The following RORA variants were observed in gnomAD, a reference collection of about 807,000 sequenced individuals.
The protein encoded by RORA is nuclear receptor ROR-alpha.
RORA carries 7 observed loss-of-function variants against 69.5 expected under a neutral mutation model. The observed-to-expected ratio is 0.10, with a 90% CI of 0.06 to 0.19. The LOEUF is 0.19. Among genes scored for constraint, RORA ranks in the 10% least tolerant of loss-of-function variants. RORA has a pLI of 1.00. For missense variants in RORA, 457 were observed against 663.0 expected, an observed-to-expected ratio of 0.69 and a Z score of 3.41; for synonymous variants, 261 against 240.8, an observed-to-expected ratio of 1.08 and a Z score of -0.78.
intron 1 of RORA, among the ~76,000 whole-genome samples, chr15:61,066,263 T>C (rs528481336): frequency 2.0e-5 from 3 of 152,106 alleles, no homozygotes; most frequent in Non-Finnish European, 4.4e-5. Flanking sequence ...CTGCTATGTG[T>C]TCATTAGCCG....
intron 2 of RORA, among the ~76,000 whole-genome samples, chr15:60,565,174 T>C (rs370165659): frequency 3.9e-5 from 6 of 152,218 alleles, no homozygotes; most frequent in African/African-American, 1.4e-4. Context: ...ATAAAACTGC[T>C]ATATTCCCAA....
At chr15:61,227,583 G>A (rs1258561673) in intron 1 of RORA, among the ~76,000 whole-genome samples, 3 of 152,058 alleles carry the variant, frequency 2.0e-5, no homozygotes, top group African/African-American at 7.3e-5. Context: ...AAGGTGGGGG[G>A]GGGGATACTG....
At chr15:60,674,141 G>A (rs1596115383) in intron 2 of RORA, among the ~76,000 whole-genome samples, 1 of 152,276 alleles carries the variant, frequency 6.6e-6, no homozygotes, top group South Asian at 2.1e-4. Flanking sequence ...CACATGGGTT[G>A]CCACGGAAAC....
intron 3 of RORA, chr15:60,528,339 A>T (rs1248744758): frequency 6.6e-6 from 1 of 152,382 alleles, no homozygotes; most frequent in Non-Finnish European, 1.5e-5. Context: ...TGCTGGGGCT[A>T]CAGGTGTGAG....
chr15:60,875,611 G>A (rs2073604651), intron 1 of RORA, among the ~76,000 whole-genome samples: 1 of 152,204 alleles, frequency 6.6e-6, no homozygotes, highest in Non-Finnish European at 1.5e-5. Flanking sequence ...GGGCTGTGCT[G>A]TATGGAGAGG....
intron 1 of RORA, among the ~76,000 whole-genome samples, chr15:61,220,495 C>T (rs1444629354): frequency 1.3e-5 from 2 of 152,248 alleles, no homozygotes; most frequent in Non-Finnish European, 2.9e-5. Flanking sequence ...CACACAGCCA[C>T]TCCTCCCCAT....
chr15:61,098,937 G>T (rs536073169), intron 1 of RORA, among the ~76,000 whole-genome samples: 12 of 152,246 alleles, frequency 7.9e-5, no homozygotes, highest in African/African-American at 2.6e-4. Context: ...ACTTCCAAAG[G>T]TTCCGGGCTG....
intron 2 of RORA, among the ~76,000 whole-genome samples, chr15:60,661,271 A>G (rs1383133114): frequency 6.6e-6 from 1 of 152,204 alleles, no homozygotes; most frequent in Non-Finnish European, 1.5e-5. Context: ...GTGCTGGGCC[A>G]GGCACAATCT....
intron 1 of RORA, among the ~76,000 whole-genome samples, chr15:60,776,107 C>T (rs1267167664): frequency 1.1e-4 from 16 of 152,136 alleles, no homozygotes; most frequent in South Asian, 4.1e-4. Flanking sequence ...TTTGCTGGCT[C>T]GGCTAGAATT....
intron 1 of RORA, among the ~76,000 whole-genome samples, chr15:61,011,902 G>A (rs564632567): frequency 7.9e-5 from 12 of 152,214 alleles, no homozygotes; most frequent in Non-Finnish European, 1.3e-4. Flanking sequence ...GAGAGCTTGC[G>A]CTCTGTTTTC....
intron 1 of RORA, among the ~76,000 whole-genome samples, chr15:60,884,292 T>C (rs2073727299): frequency 6.6e-6 from 1 of 151,422 alleles, no homozygotes. Flanking sequence ...AGACCAATGT[T>C]AACCCAGACC....
At chr15:61,217,237 T>C (rs943670030) in intron 1 of RORA, among the ~76,000 whole-genome samples, 1 of 152,136 alleles carries the variant, frequency 6.6e-6, no homozygotes, top group African/African-American at 2.4e-5. Context: ...GTGGTCTTGA[T>C]CTCCTTAAGA....
intron 1 of RORA, among the ~76,000 whole-genome samples, chr15:60,877,218 A>G (rs2073627062): frequency 6.6e-6 from 1 of 152,250 alleles, no homozygotes; most frequent in South Asian, 2.1e-4. Flanking sequence ...CAGGCTGAGC[A>G]TGTATGAAAT....
At position 61,061,306 on chromosome 15, in the gene RORA, T is replaced by C. The variant is rs1327021533; in HGVS notation, c.166+167747A>G. Among the ~76,000 whole-genome samples the C allele has an allele frequency of 3.3e-5, 5 of 151,920 alleles. No individual in the cohort carries two copies. The highest frequency in any genetic ancestry group is 2.1e-4 in the South Asian group (1 of 4,800). ...AGGCAGAGCTTGCAGTGAGCCGAGGTTGTGCCACTGCAGGCGTGCAGGGAG... is the reference window on the plus strand; with the variant it reads ...AGGCAGAGCTTGCAGTGAGCCGAGGCTGTGCCACTGCAGGCGTGCAGGGAG... On this transcript the variant is annotated intron_variant, in intron 1 of 10. Coordinates refer to ENST00000335670, the MANE Select transcript of RORA (RefSeq NM_134261.3). The surrounding 1 kb of genome is among the most constrained non-coding windows in gnomAD (Gnocchi z 4.4).
chr15:60,911,372 C>G (rs889476826), intron 1 of RORA, among the ~76,000 whole-genome samples: 2 of 152,114 alleles, frequency 1.3e-5, no homozygotes, highest in African/African-American at 4.8e-5. Context: ...TTTCCACGGC[C>G]ATGTTTGAGA....
chr15:60,517,934 C>T lies in RORA; in HGVS notation c.283-3177G>A, dbSNP rs28779472. Among the ~76,000 whole-genome samples the T allele has an allele frequency of 9.0e-3, 1,369 of 152,286 alleles. 22 individuals carry two copies. The highest frequency in any genetic ancestry group is 0.028 in the African/African-American group (1,163 of 41,532). On this transcript the variant is annotated intron_variant, in intron 3 of 10. Coordinates refer to ENST00000335670, the MANE Select transcript of RORA (RefSeq NM_134261.3). The stretch of plus-strand genomic sequence containing the variant: ...GCTATTTCCTAGATATCTCTTCTGA[C>T]GACCAAATCCCAGCATCTGTCACCT...
chr15:60,562,881 G>C (rs1328257274), intron 2 of RORA, among the ~76,000 whole-genome samples: 1 of 152,080 alleles, frequency 6.6e-6, no homozygotes, highest in East Asian at 1.9e-4. Flanking sequence ...CTGGCCAATA[G>C]CTTATGTTAT....
At chr15:61,215,031 A>ATTTTTTTT (rs61132940) in intron 1 of RORA, among the ~76,000 whole-genome samples, 299 of 80,616 alleles carry the variant, frequency 3.7e-3, no homozygotes, top group African/African-American at 0.013. Context: ...CGCCCAGCTA[A>ATTTTTTTT]TTTTTTTTTT....
At chr15:61,070,544 A>G (rs143848543) in intron 1 of RORA, among the ~76,000 whole-genome samples, 91 of 152,358 alleles carry the variant, frequency 6.0e-4, no homozygotes, top group African/African-American at 1.9e-3. Flanking sequence ...GATTTTTTCC[A>G]CGGAAATAAA....
Sources: gnomAD v4.1 joint callset for allele counts (sites outside exome capture counted in the v4.1 genomes callset) on GRCh38, gnomAD v4.1.1 for gene constraint, Gnocchi (gnomAD v3.1) non-coding constraint, MANE v1.5 for transcripts, NCBI Gene and HGNC (gene_info 2026-07-23, HGNC 2026-07-21) for gene names.